RBFOX1: variants seen among roughly 807,000 people sequenced by gnomAD.
RBFOX1 encodes RNA binding protein fox-1 homolog 1.
A neutral mutation model predicts 57.7 loss-of-function variants in RBFOX1; 8 were observed. That is an observed-to-expected ratio of 0.14 (90% CI 0.08 to 0.25). The LOEUF (loss-of-function observed/expected upper bound fraction) is 0.25. RBFOX1 is among the 10% of genes least tolerant of loss of function. RBFOX1 has a pLI of 1.00. For missense variants in RBFOX1, 611 were observed against 548.5 expected, an observed-to-expected ratio of 1.11 and a Z score of -1.14; for synonymous variants, 326 against 222.4, an observed-to-expected ratio of 1.47 and a Z score of -4.15.
intron 4 of RBFOX1, among the ~76,000 whole-genome samples, chr16:7,497,288 G>C (rs558106397): frequency 6.6e-6 from 1 of 152,052 alleles, no homozygotes; most frequent in Admixed American, 6.6e-5. Flanking sequence ...CCTGTTTTCT[G>C]TGTTCTTTTA....
rs904999176 is a variant in RBFOX1, at chr16:5,560,441, G to A, written c.259-38461G>A. ...TTGAGATGGCTTCTCCCCGCACTCC[G>A]GTGTTATTACACTGCACTGCAATCA... On this transcript the variant is annotated intron_variant, in intron 2 of 2. Transcript: ENST00000585867. 2.6e-5 allele frequency among the ~76,000 whole-genome samples: 4 copies of A among 152,042 alleles called. 1 individual carries two copies. The highest frequency in any genetic ancestry group is 4.2e-4 in the South Asian group (2 of 4,816).
chr16:5,763,169 C>G (rs1011989798), intron 3 of RBFOX1, among the ~76,000 whole-genome samples: 1 of 152,212 alleles, frequency 6.6e-6, no homozygotes, highest in Non-Finnish European at 1.5e-5. Flanking sequence ...GATTAGAAGT[C>G]CATCGTGATT....
chr16:6,191,728 A>C (rs944290081), intron 1 of RBFOX1, among the ~76,000 whole-genome samples: 4 of 152,202 alleles, frequency 2.6e-5, no homozygotes, highest in African/African-American at 9.6e-5. Context: ...TTATTTAACA[A>C]GCTGGAAACT....
intron 4 of RBFOX1, among the ~76,000 whole-genome samples, chr16:5,887,555 A>G (rs190798462): frequency 1.6e-4 from 25 of 152,086 alleles, no homozygotes; most frequent in Admixed American, 4.6e-4. Flanking sequence ...GCACTCCCCA[A>G]TGCGCCTGGA....
chr16:7,275,814 C>G (rs1360498230), intron 4 of RBFOX1, among the ~76,000 whole-genome samples: 1 of 152,154 alleles, frequency 6.6e-6, no homozygotes. Flanking sequence ...TACATGTTGC[C>G]TAGTTTAGAG....
intron 1 of RBFOX1, among the ~76,000 whole-genome samples, chr16:5,424,092 C>G (rs1032664703): frequency 5.9e-5 from 9 of 152,146 alleles, no homozygotes; most frequent in Admixed American, 4.6e-4. Flanking sequence ...TTGTTTATCC[C>G]CACTATGTGC....
At chr16:6,719,653 A>G (rs895697314) in intron 3 of RBFOX1, among the ~76,000 whole-genome samples, 52 of 150,834 alleles carry the variant, frequency 3.4e-4, no homozygotes, top group Non-Finnish European at 6.6e-4. Context: ...TCACCATGTT[A>G]GCTAGGATGG....
rs544897549 is a variant in RBFOX1, at chr16:5,818,785, T to C, written c.319-48518T>C. Among the ~76,000 whole-genome samples, 23 of 152,266 alleles carry C rather than the reference T, an allele frequency of 1.5e-4. 1 individual carries two copies. Among genetic ancestry groups the C allele is most frequent in the Admixed American group, 8.5e-4 (13 of 15,302 alleles). The stretch of plus-strand genomic sequence containing the variant: ...CTGCAGCTAATGTCTCCCCTGAGCA[T>C]TGGATCCCTGTGTCCATTATGTTCT... On this transcript the variant is annotated intron_variant, in intron 3 of 19. Transcript: ENST00000641259.
At chr16:5,939,008 C>T (rs1244586719) in intron 4 of RBFOX1, among the ~76,000 whole-genome samples, 1 of 151,960 alleles carries the variant, frequency 6.6e-6, no homozygotes, top group Admixed American at 6.6e-5. Flanking sequence ...AAGCAAACAG[C>T]TTATGTTCTC....
intron 2 of RBFOX1, among the ~76,000 whole-genome samples, chr16:6,478,381 C>G (rs866674137): frequency 1.7e-5 from 2 of 120,582 alleles, no homozygotes; most frequent in African/African-American, 3.3e-5. Flanking sequence ...TGCCACTACA[C>G]CCAGCTAATA....
chr16:5,492,647 G>C (rs1008216250), intron 2 of RBFOX1, among the ~76,000 whole-genome samples: 2 of 152,156 alleles, frequency 1.3e-5, no homozygotes, highest in African/African-American at 4.8e-5. Flanking sequence ...TGAGTCGTTT[G>C]GATGAAATGA....
chr16:7,236,790 G>A (rs2093789092), intron 4 of RBFOX1, among the ~76,000 whole-genome samples: 1 of 152,156 alleles, frequency 6.6e-6, no homozygotes, highest in South Asian at 2.1e-4. Context: ...TGATAAGGCA[G>A]ACAGTCCTTG....
chr16:5,412,003 C>T (rs540952226), intron 1 of RBFOX1, among the ~76,000 whole-genome samples: 6 of 152,268 alleles, frequency 3.9e-5, no homozygotes, highest in Admixed American at 3.3e-4. Context: ...ATTTCTAGAT[C>T]GGTTAGTTAT....
chr16:5,712,286 C>G (rs770575071), intron 3 of RBFOX1, among the ~76,000 whole-genome samples: 2 of 152,188 alleles, frequency 1.3e-5, no homozygotes. Flanking sequence ...ATGCTAAATC[C>G]TTTATTAGCA....
At chr16:7,000,869 T>G (rs562198953) in intron 3 of RBFOX1, among the ~76,000 whole-genome samples, 178 of 152,302 alleles carry the variant, frequency 1.2e-3, no homozygotes, top group African/African-American at 4.0e-3. Context: ...CCCAAAGTGC[T>G]GGGATTACAG....
chr16:6,082,125 A>T (rs1464203975), intron 1 of RBFOX1, among the ~76,000 whole-genome samples: 1 of 151,246 alleles, frequency 6.6e-6, no homozygotes, highest in Non-Finnish European at 1.5e-5. Flanking sequence ...GTGGGAACCA[A>T]TGAGAAATTT....
chr16:5,679,427 C>G (rs1246468956), intron 3 of RBFOX1, among the ~76,000 whole-genome samples: 1 of 151,668 alleles, frequency 6.6e-6, no homozygotes, highest in East Asian at 1.9e-4. Context: ...TGGTGGTTTG[C>G]TGCACCTATC....
intron 1 of RBFOX1, among the ~76,000 whole-genome samples, chr16:6,160,982 C>T (rs12920365): frequency 0.57 from 85,968 of 152,122 alleles, 25,642 homozygotes; most frequent in Admixed American, 0.68. Context: ...TCTCCTTCTT[C>T]CTACCGACAA....
At chr16:6,344,599 G>T (rs1375141460) in intron 2 of RBFOX1, among the ~76,000 whole-genome samples, 1 of 149,834 alleles carries the variant, frequency 6.7e-6, no homozygotes, top group Non-Finnish European at 1.5e-5. Context: ...GCGTTTCAGC[G>T]TGTTAGCCAG....
Sources: gnomAD v4.1 joint callset for allele counts (sites outside exome capture counted in the v4.1 genomes callset) on GRCh38, gnomAD v4.1.1 for gene constraint, MANE v1.5 for transcripts, NCBI Gene and HGNC (gene_info 2026-07-23, HGNC 2026-07-21) for gene names.